SAMD12: variants seen among roughly 807,000 people sequenced by gnomAD.
SAMD12 encodes sterile alpha motif domain-containing protein 12.
In SAMD12, 9 loss-of-function variants were observed where a neutral mutation model predicts 15.0. The ratio of observed to expected loss-of-function variants is 0.60; its 90% CI spans 0.36 to 1.05. The LOEUF (loss-of-function observed/expected upper bound fraction) is 1.05, where lower values mean the gene tolerates loss of function less well. SAMD12 is among the 50% of genes least tolerant of loss of function. SAMD12 has a pLI of 0.01. For synonymous variants in SAMD12, 86 were observed against 90.1 expected, an observed-to-expected ratio of 0.96 and a Z score of 0.25; for missense variants, 230 against 234.2, an observed-to-expected ratio of 0.98 and a Z score of 0.12.
At chr8:118,374,652 T>C (rs886931104), downstream of SAMD12, among the ~76,000 whole-genome samples, 3 of 152,166 alleles carry the variant, frequency 2.0e-5, no homozygotes, top group Non-Finnish European at 1.5e-5. Flanking sequence ...AGTTATTTTC[T>C]GTTCTTTTGG....
At chr8:118,419,143 G>C (rs2514987) in intron 3 of SAMD12, among the ~76,000 whole-genome samples, 30,461 of 151,990 alleles carry the variant, frequency 0.2, 3,477 homozygotes, top group East Asian at 0.36. Context: ...CTGTGAATGT[G>C]CTGAGTATTT....
At chr8:118,312,582 A>T (rs533541668) in intron 4 of SAMD12, among the ~76,000 whole-genome samples, 2 of 152,258 alleles carry the variant, frequency 1.3e-5, no homozygotes, top group East Asian at 3.9e-4. Context: ...TCTCCTCCTC[A>T]TTTAAATATG....
intron 1 of SAMD12, chr8:118,621,311 G>C (rs1586864892): frequency 5.4e-6 from 1 of 185,474 alleles, no homozygotes; most frequent in Non-Finnish European, 1.1e-5. Flanking sequence ...TACATCTGCG[G>C]CCGCCGCTGC....
intron 2 of SAMD12, among the ~76,000 whole-genome samples, chr8:118,558,211 A>G (rs951971181): frequency 6.6e-6 from 1 of 152,174 alleles, no homozygotes; most frequent in Non-Finnish European, 1.5e-5. Flanking sequence ...AGAAGAATGT[A>G]TATTTTTTAG....
At chr8:118,368,935 C>T (rs1426154470) in intron 4 of SAMD12, among the ~76,000 whole-genome samples, 1 of 152,178 alleles carries the variant, frequency 6.6e-6, no homozygotes, top group Admixed American at 6.5e-5. Flanking sequence ...TAAAAACTAG[C>T]TCATCTGTTG....
At chr8:118,250,102 G>C (rs1022243178) in intron 4 of SAMD12, among the ~76,000 whole-genome samples, 25 of 152,080 alleles carry the variant, frequency 1.6e-4, no homozygotes, top group African/African-American at 6.0e-4. Context: ...GGCTAATTAG[G>C]AATTTCCCAG....
At chr8:118,436,065 CT>C (rs571862461) in intron 3 of SAMD12, among the ~76,000 whole-genome samples, 1 of 152,192 alleles carries the variant, frequency 6.6e-6, no homozygotes, top group South Asian at 2.1e-4. Context: ...TATAAAATTG[CT>C]CCCTAGAATC....
intron 1 of SAMD12, among the ~76,000 whole-genome samples, chr8:118,583,429 T>A (rs961476016): frequency 2.0e-5 from 3 of 152,168 alleles, no homozygotes; most frequent in Admixed American, 6.5e-5. Context: ...GATGGGGGAT[T>A]GGCATGGGAT....
chr8:118,328,702 C>T (rs1360250891), intron 4 of SAMD12, among the ~76,000 whole-genome samples: 1 of 152,158 alleles, frequency 6.6e-6, no homozygotes, highest in Non-Finnish European at 1.5e-5. Context: ...AGCTTTTGCC[C>T]TTGACATCAA....
intron 4 of SAMD12, among the ~76,000 whole-genome samples, chr8:118,260,831 G>C (rs1813060527): frequency 6.6e-6 from 1 of 152,114 alleles, no homozygotes; most frequent in Non-Finnish European, 1.5e-5. Flanking sequence ...AGACCAAGGA[G>C]TGGTAACAGC....
chr8:118,170,329 G>A, the SAMD12 span, among the ~76,000 whole-genome samples: 1 of 152,074 alleles, frequency 6.6e-6, no homozygotes, highest in Non-Finnish European at 1.5e-5. Flanking sequence ...CTTGAAAACT[G>A]ATATATCTTA....
At chr8:118,145,686 C>T in the SAMD12 span, among the ~76,000 whole-genome samples, 44 of 152,198 alleles carry the variant, frequency 2.9e-4, no homozygotes, top group African/African-American at 1.0e-3. Context: ...TCCTTTATGC[C>T]AAAAAGCAGA....
chr8:118,223,931 T>C (rs761031364), intron 4 of SAMD12, among the ~76,000 whole-genome samples: 14 of 152,182 alleles, frequency 9.2e-5, no homozygotes, highest in Non-Finnish European at 1.6e-4. Flanking sequence ...CAGAGTGGCA[T>C]TGGACCATCA....
At chr8:118,560,420 T>G (rs1026800802) in intron 2 of SAMD12, among the ~76,000 whole-genome samples, 2 of 152,208 alleles carry the variant, frequency 1.3e-5, no homozygotes, top group Non-Finnish European at 2.9e-5. Flanking sequence ...CAAGAATACT[T>G]CTATACTACC....
rs1048945828 is a variant in SAMD12, at chr8:118,549,250, C to T, written c.192+31465G>A. ...CTCAAGTGGGTCCCTGACCCCTGAC[C>T]CCCGAGCAGCCTAACTGGGAGGCAC... On this transcript the variant is annotated intron_variant, in intron 2 of 3. Transcript: ENST00000314727. Among the ~76,000 whole-genome samples the T allele has an allele frequency of 9.9e-5, 15 of 152,236 alleles. 1 individual carries two copies. Among genetic ancestry groups the T allele is most frequent in the Admixed American group, 7.2e-4 (11 of 15,302 alleles).
In SAMD12 at chr8:118,570,688, G is replaced by A. The variant is rs150896094; in HGVS notation, c.192+10027C>T. Among the ~76,000 whole-genome samples, 92 of 152,176 alleles carry A rather than the reference G, an allele frequency of 6.0e-4. 3 individuals carry two copies. In the East Asian group the frequency reaches 0.016, roughly 26 times the overall value. ...TGAACATACGTGTATCTTTATAATA[G>A]AATGATTTATATTCCTCTGGGTATA... On this transcript the variant is annotated intron_variant, in intron 2 of 3. Coordinates refer to ENST00000314727, the MANE Select transcript of SAMD12 (RefSeq NM_207506.3).
chr8:118,168,909 T>TA, the SAMD12 span, among the ~76,000 whole-genome samples: 1 of 152,172 alleles, frequency 6.6e-6, no homozygotes, highest in Non-Finnish European at 1.5e-5. Flanking sequence ...AAAAGAATAT[T>TA]AATCAAACAC....
chr8:118,395,933 A>G (rs1586660350), intron 3 of SAMD12, among the ~76,000 whole-genome samples: 2 of 38,834 alleles, frequency 5.2e-5, no homozygotes, highest in East Asian at 9.2e-4. Flanking sequence ...ACTCCATCTC[A>G]AAAAAAAAAA....
chr8:118,222,491 T>A (rs1812103984), intron 4 of SAMD12, among the ~76,000 whole-genome samples: 1 of 152,156 alleles, frequency 6.6e-6, no homozygotes, highest in South Asian at 2.1e-4. Context: ...TTTAAAAATG[T>A]GTGAGGAAGT....
Sources: allele counts gnomAD v4.1 joint callset (sites outside exome capture counted in the v4.1 genomes callset), GRCh38; gene constraint gnomAD v4.1.1; transcripts MANE v1.5; gene names NCBI Gene and HGNC (gene_info 2026-07-23, HGNC 2026-07-21).